ZP3: variants seen among roughly 807,000 people sequenced by gnomAD.
The protein encoded by ZP3 is zona pellucida glycoprotein 3, also known as zona pellucida sperm-binding protein 3.
ZP3 carries 21 observed loss-of-function variants against 35.6 expected under a neutral mutation model. The observed-to-expected ratio is 0.59, with a 90% confidence interval of 0.42 to 0.85. The LOEUF (loss-of-function observed/expected upper bound fraction) is 0.85. ZP3 is among the 40% of genes least tolerant of loss of function. The pLI is 0.00. For synonymous variants in ZP3, 207 were observed against 214.5 expected, an observed-to-expected ratio of 0.96 and a Z score of 0.31; for missense variants, 437 against 536.5, an observed-to-expected ratio of 0.81 and a Z score of 1.83.
intron 1 of ZP3, among the ~76,000 whole-genome samples, chr7:76,410,760 T>G (rs1805220253): frequency 1.3e-5 from 2 of 151,802 alleles, no homozygotes; most frequent in South Asian, 4.2e-4. Flanking sequence ...TTTGGGAGGC[T>G]GAGGTGGGCA....
intron 4 of ZP3, 34 bp downstream of exon 4, chr7:76,433,681 C>CT: frequency 6.4e-7 from 1 of 1,564,942 alleles, no homozygotes; most frequent in African/African-American, 1.4e-5. Context: ...GAGAACCTTC[C>CT]TAGCAAAATG....
intron 1 of ZP3, among the ~76,000 whole-genome samples, chr7:76,426,964 A>G (rs1380134748): frequency 6.7e-6 from 1 of 150,042 alleles, no homozygotes; most frequent in Non-Finnish European, 1.5e-5. Context: ...CTGAAGTGGG[A>G]GGATTGCTTA....
rs115842900 is a variant in ZP3, at chr7:76,432,848, A to G, written c.432-79A>G. On this transcript the variant is annotated intron_variant, in intron 2 of 7. Transcript: ENST00000394857. ...GCTGAGGACCCTGTAGTGGGGTAGC[A>G]GTGAGATACTCCCCATCAGTGGGGG... 1,325 of 1,209,662 alleles carry G rather than the reference A, an allele frequency of 1.1e-3. 12 individuals carry two copies. In the African/African-American group the frequency reaches 0.017, roughly 16 times the overall value. 74.9% of individuals were successfully genotyped at this position (1,209,662 alleles called of 1,614,324 possible).
chr7:76,418,550 CAAAAAAAAAAAAAAAA>C (rs1203476650), intron 1 of ZP3, among the ~76,000 whole-genome samples: 1 of 30,040 alleles, frequency 3.3e-5, no homozygotes, highest in Non-Finnish European at 5.4e-5. Flanking sequence ...GATTTCATCT[CAAAAAAAAAAAAAAAA>C]AAAAAAAAGG....
chr7:76,426,394 A>G (rs896883907), intron 1 of ZP3, among the ~76,000 whole-genome samples: 1 of 152,166 alleles, frequency 6.6e-6, no homozygotes, highest in Admixed American at 6.5e-5. Flanking sequence ...CTCCCGCCTC[A>G]GGGGAACCTG....
intron 1 of ZP3, chr7:76,397,892 C>T: frequency 6.9e-7 from 1 of 1,440,398 alleles, no homozygotes; most frequent in Middle Eastern, 2.0e-4. Flanking sequence ...CCGTCCGCAC[C>T]GCAAGGGCAG....
chr7:76,438,529 T>C (rs1584074247), intron 5 of ZP3, among the ~76,000 whole-genome samples: 5 of 96,064 alleles, frequency 5.2e-5, no homozygotes, highest in East Asian at 6.3e-4. Flanking sequence ...AGAGACAGAC[T>C]CCGTCTCAGA....
chr7:76,417,778 A>G (rs1805410533), intron 1 of ZP3, among the ~76,000 whole-genome samples: 1 of 150,850 alleles, frequency 6.6e-6, no homozygotes, highest in Non-Finnish European at 1.5e-5. Flanking sequence ...CACCTGGCTA[A>G]TTTTACTTTA....
upstream of ZP3, among the ~76,000 whole-genome samples, chr7:76,422,423 A>G (rs1213936367): frequency 2.0e-5 from 3 of 152,024 alleles, no homozygotes; most frequent in Non-Finnish European, 4.4e-5. Flanking sequence ...TCACGCCTAT[A>G]ATCCCAGCAC....
At chr7:76,401,586 T>G (rs1022514368) in intron 1 of ZP3, among the ~76,000 whole-genome samples, 2 of 152,042 alleles carry the variant, frequency 1.3e-5, no homozygotes, top group African/African-American at 4.8e-5. Flanking sequence ...CCAGCTAATT[T>G]TTGTATTTTT....
At chr7:76,437,199 A>T (rs1806044436) in intron 5 of ZP3, among the ~76,000 whole-genome samples, 1 of 98,142 alleles carries the variant, frequency 1.0e-5, no homozygotes, top group African/African-American at 4.2e-5. Flanking sequence ...TTTTTTGGAC[A>T]GAGTCTCGCT....
chr7:76,406,479 A>AT (rs1038487806), intron 1 of ZP3, among the ~76,000 whole-genome samples: 1 of 151,672 alleles, frequency 6.6e-6, no homozygotes, highest in Non-Finnish European at 1.5e-5. Context: ...ACTTTAAAGA[A>AT]TTTTTTTATT....
At chr7:76,410,162 C>T (rs1330307793) in intron 1 of ZP3, among the ~76,000 whole-genome samples, 2 of 151,854 alleles carry the variant, frequency 1.3e-5, no homozygotes, top group African/African-American at 2.4e-5. Context: ...CGCCCGAGTA[C>T]CTGGGATTAC....
chr7:76,429,701 C>A, intron 2 of ZP3, 68 bp downstream of exon 2: 1 of 1,358,674 alleles, frequency 7.4e-7, no homozygotes, highest in Non-Finnish European at 1.0e-6. Context: ...GGCAAGTGGG[C>A]TGGCTATGGG....
chr7:76,414,602 C>T (rs973734134), intron 1 of ZP3, among the ~76,000 whole-genome samples: 11 of 150,620 alleles, frequency 7.3e-5, no homozygotes, highest in Non-Finnish European at 1.3e-4. Context: ...GCTGATGATT[C>T]CATTTAGGAC....
At chr7:76,416,937 T>TATAC (rs1400236974) in intron 1 of ZP3, among the ~76,000 whole-genome samples, 4 of 89,028 alleles carry the variant, frequency 4.5e-5, no homozygotes, top group Non-Finnish European at 8.0e-5. Flanking sequence ...CATACATATG[T>TATAC]ATACATACAT....
At chr7:76,436,418 T>G (rs1397588589) in intron 5 of ZP3, among the ~76,000 whole-genome samples, 1 of 152,186 alleles carries the variant, frequency 6.6e-6, no homozygotes, top group Non-Finnish European at 1.5e-5. Flanking sequence ...CAAAAGCCAC[T>G]TAAGCTCCTA....
At chr7:76,422,971 TG>T (rs1450900253), upstream of ZP3, among the ~76,000 whole-genome samples, 4 of 142,376 alleles carry the variant, frequency 2.8e-5, no homozygotes. Context: ...CACTCCAGCC[TG>T]GGCGACAGAA....
At chr7:76,416,153 G>A (rs1474702844) in intron 1 of ZP3, among the ~76,000 whole-genome samples, 1 of 147,824 alleles carries the variant, frequency 6.8e-6, no homozygotes, top group African/African-American at 2.5e-5. Flanking sequence ...AGCAGACTGG[G>A]TGCAGTGGCT....
Sources: allele counts gnomAD v4.1 joint callset (sites outside exome capture counted in the v4.1 genomes callset), GRCh38; gene constraint gnomAD v4.1.1; transcripts MANE v1.5; gene names NCBI Gene and HGNC (gene_info 2026-07-23, HGNC 2026-07-21).